GRIP1: variants seen among roughly 807,000 people sequenced by gnomAD.
The protein encoded by GRIP1 is glutamate receptor-interacting protein 1.
A neutral mutation model predicts 129.9 loss-of-function variants in GRIP1; 45 were observed. The ratio of observed to expected loss-of-function variants is 0.35; its 90% CI spans 0.27 to 0.44. The LOEUF is 0.44. GRIP1 is among the 20% of genes least tolerant of loss of function. The probability of loss-of-function intolerance (pLI) is 1.00; values close to 1 mark genes in which losing one functional copy is unlikely to be tolerated. For synonymous variants in GRIP1, 530 were observed against 520.8 expected, an observed-to-expected ratio of 1.02 and a Z score of -0.24; for missense variants, 1,196 against 1,396.8, an observed-to-expected ratio of 0.86 and a Z score of 2.29.
chr12:66,601,560 C>A (rs1223979517), intron 1 of GRIP1, among the ~76,000 whole-genome samples: 2 of 152,146 alleles, frequency 1.3e-5, no homozygotes, highest in Admixed American at 6.6e-5. Context: ...ATTTAATTTC[C>A]TTTGGCTGAG....
chr12:66,771,080 G>A (rs1442871023), intron 1 of GRIP1, among the ~76,000 whole-genome samples: 1 of 152,004 alleles, frequency 6.6e-6, no homozygotes. Context: ...GCAACAGGGC[G>A]AGACTCTGTC....
intron 1 of GRIP1, among the ~76,000 whole-genome samples, chr12:66,624,252 A>G (rs1266444209): frequency 6.6e-6 from 1 of 152,158 alleles, no homozygotes; most frequent in Non-Finnish European, 1.5e-5. Flanking sequence ...AAAGGTCTAG[A>G]TTATGTTGCA....
intron 1 of GRIP1, among the ~76,000 whole-genome samples, chr12:66,756,210 C>A (rs1233731013): frequency 6.6e-6 from 1 of 152,166 alleles, no homozygotes; most frequent in East Asian, 1.9e-4. Flanking sequence ...CAGACCCTGG[C>A]AGCCACCAGT....
chr12:66,543,782 T>C (rs572406417), intron 2 of GRIP1, among the ~76,000 whole-genome samples: 7 of 152,340 alleles, frequency 4.6e-5, no homozygotes, highest in African/African-American at 1.7e-4. Context: ...CTGCATCTTC[T>C]TTAAATATGC....
chr12:66,852,270 A>G (rs2039926129), intron 1 of GRIP1, among the ~76,000 whole-genome samples: 1 of 151,972 alleles, frequency 6.6e-6, no homozygotes, highest in South Asian at 2.1e-4. Flanking sequence ...ATCTTTCCAA[A>G]ATTGCATGAT....
chr12:66,995,241 C>T (rs192552762), intron 1 of GRIP1, among the ~76,000 whole-genome samples: 1 of 148,896 alleles, frequency 6.7e-6, no homozygotes, highest in East Asian at 2.0e-4. Flanking sequence ...AACTATAAAA[C>T]TCATGGAAGA....
intron 2 of GRIP1, among the ~76,000 whole-genome samples, chr12:66,553,016 C>T (rs2062194272): frequency 6.6e-6 from 1 of 152,158 alleles, no homozygotes; most frequent in African/African-American, 2.4e-5. Flanking sequence ...GGACAGCTCT[C>T]ACACCCTGTA....
intron 5 of GRIP1, among the ~76,000 whole-genome samples, chr12:66,522,537 G>A (rs188664819): frequency 1.6e-3 from 240 of 152,288 alleles, no homozygotes; most frequent in African/African-American, 5.5e-3. Context: ...ACATCTGTAC[G>A]TCACCATCAT....
At chr12:66,731,348 G>T (rs2036430609) in intron 1 of GRIP1, among the ~76,000 whole-genome samples, 1 of 152,156 alleles carries the variant, frequency 6.6e-6, no homozygotes, top group South Asian at 2.1e-4. Context: ...GTCATAAAAT[G>T]ATTTTTGACA....
intron 15 of GRIP1, among the ~76,000 whole-genome samples, chr12:66,411,795 T>C (rs2057412496): frequency 6.6e-6 from 1 of 152,178 alleles, no homozygotes; most frequent in Admixed American, 6.5e-5. Flanking sequence ...TAAATGACCT[T>C]ATGGAGCTGA....
chr12:66,401,572 T>G (rs2056990125), intron 16 of GRIP1, among the ~76,000 whole-genome samples: 2 of 90,516 alleles, frequency 2.2e-5, no homozygotes, highest in African/African-American at 8.6e-5. Flanking sequence ...AGAGCAAAAT[T>G]CCGTCTCAAA....
chr12:66,721,182 T>C (rs1036698353), intron 1 of GRIP1, among the ~76,000 whole-genome samples: 4 of 152,230 alleles, frequency 2.6e-5, no homozygotes, highest in Non-Finnish European at 5.9e-5. Context: ...AGTAATATTT[T>C]GAAAGGAATC....
chr12:66,393,427 C>A (rs1212681056), intron 17 of GRIP1, among the ~76,000 whole-genome samples: 1 of 152,042 alleles, frequency 6.6e-6, no homozygotes, highest in East Asian at 1.9e-4. Flanking sequence ...CTACCTCGGC[C>A]TCCCAAAGTT....
chr12:66,634,860 T>C (rs1451172427), intron 1 of GRIP1, among the ~76,000 whole-genome samples: 1 of 152,242 alleles, frequency 6.6e-6, no homozygotes, highest in African/African-American at 2.4e-5. Context: ...GTTGGACTCT[T>C]CTTGTGCTTT....
At chr12:66,904,806 C>T (rs1238173752) in intron 1 of GRIP1, among the ~76,000 whole-genome samples, 2 of 151,750 alleles carry the variant, frequency 1.3e-5, no homozygotes, top group African/African-American at 2.4e-5. Flanking sequence ...GCAGGAGAAT[C>T]GCTTGAACCC....
intron 1 of GRIP1, among the ~76,000 whole-genome samples, chr12:66,780,268 C>T (rs2038114551): frequency 6.6e-6 from 1 of 152,184 alleles, no homozygotes; most frequent in South Asian, 2.1e-4. Context: ...AGCAAGCAGG[C>T]ATCTGATGGA....
chr12:66,803,760 C>T (rs1592861090), intron 1 of GRIP1, among the ~76,000 whole-genome samples: 1 of 152,298 alleles, frequency 6.6e-6, no homozygotes, highest in Non-Finnish European at 1.5e-5. Context: ...ATTCTGGCCA[C>T]CTACTACGTT....
intron 1 of GRIP1, among the ~76,000 whole-genome samples, chr12:66,914,930 G>C (rs2041094837): frequency 3.3e-5 from 5 of 152,128 alleles, no homozygotes; most frequent in Admixed American, 2.6e-4. Flanking sequence ...TTTGAGTCCA[G>C]CATGGGCAAC....
chr12:66,937,609 G>A (rs1295192491), intron 1 of GRIP1, among the ~76,000 whole-genome samples: 2 of 152,172 alleles, frequency 1.3e-5, no homozygotes, highest in African/African-American at 4.8e-5. Flanking sequence ...GAGAATAGAT[G>A]ATAACAGAAT....
Sources: gnomAD v4.1 joint callset for allele counts (sites outside exome capture counted in the v4.1 genomes callset) on GRCh38, gnomAD v4.1.1 for gene constraint, MANE v1.5 for transcripts, NCBI Gene and HGNC (gene_info 2026-07-23, HGNC 2026-07-21) for gene names.